ZC3H12C: variants seen among roughly 807,000 people sequenced by gnomAD.
The protein encoded by ZC3H12C is zinc finger CCCH-type containing 12C, also known as probable ribonuclease ZC3H12C.
Under a neutral mutation model 76.3 loss-of-function variants are expected in ZC3H12C, and 20 were observed. The observed-to-expected ratio is 0.26, with a 90% CI of 0.18 to 0.38. The LOEUF (loss-of-function observed/expected upper bound fraction) is 0.38, where lower values mean the gene tolerates loss of function less well. Ranked by LOEUF, ZC3H12C falls within the 10% of genes least tolerant of loss-of-function variation. The probability of loss-of-function intolerance (pLI) is 1.00; values close to 1 mark genes in which losing one functional copy is unlikely to be tolerated. For missense variants in ZC3H12C, 874 were observed against 1,086.5 expected (o/e 0.80, Z 2.75); for synonymous variants, 352 against 399.6 (o/e 0.88, Z 1.42).
At chr11:110,102,925 G>C (rs1336843285) in intron 1 of ZC3H12C, among the ~76,000 whole-genome samples, 1 of 152,112 alleles carries the variant, frequency 6.6e-6, no homozygotes. Context: ...TTTAATTAAG[G>C]CATGTACATT....
chr11:110,164,376 T>C lies in ZC3H12C; in HGVS notation c.1291T>C (p.Tyr431His). 1 of 1,613,558 alleles carries C rather than the reference T, an allele frequency of 6.2e-7. No homozygotes were observed. The highest frequency in any genetic ancestry group is 8.5e-7 in the Non-Finnish European group (1 of 1,179,756). The change falls in exon 6 of 6, where the codon TAC (tyrosine) becomes CAC (histidine). Residue 431 changes from tyrosine (Y) to histidine (H), a missense_variant. Coordinates refer to ENST00000278590, the MANE Select transcript of ZC3H12C (RefSeq NM_033390.2). The surrounding 1 kb of genome is among the most constrained non-coding windows in gnomAD (Gnocchi z 5.7). ...TACCTATGGACACAAGTGCAAATAT[T>C]ACCATCCCGAAAGGGGCAGTCAGCC... Reference protein sequence around the residue: ...KCTYGHKCKYYHPERGSQPQR... With the variant: ...KCTYGHKCKYHHPERGSQPQR...
chr11:110,115,285 T>A (rs1265431819), intron 1 of ZC3H12C, among the ~76,000 whole-genome samples: 1 of 151,902 alleles, frequency 6.6e-6, no homozygotes. Flanking sequence ...TATTTATTTT[T>A]ATTTTATTTT....
At chr11:110,148,172 T>C (rs1232315390) in intron 2 of ZC3H12C, among the ~76,000 whole-genome samples, 19 of 152,234 alleles carry the variant, frequency 1.2e-4, no homozygotes. Context: ...CATTCCTTCT[T>C]TTATTTCCTG....
In ZC3H12C at chr11:110,165,412, G is replaced by A. The variant is rs1862562515; in HGVS notation, c.2327G>A (p.Ser776Asn). The stretch of plus-strand genomic sequence containing the variant: ...TATTCCCGCCAGGAAGGCCTGGGAA[G>A]CTGGGAGAGGCCAGGCTATGGGATC... ...KPYSRQEGLG[S>N]WERPGYGIDA... is the part of the protein sequence containing the mutation. Residue 776 changes from serine (S) to asparagine (N), a missense_variant, in exon 6 of 6, where the codon AGC (serine) becomes AAC (asparagine). Physicochemically the swap from Ser to Asn is conservative, Grantham distance 46. Around this residue, in one of 3 missense-constraint regions of ZC3H12C, gnomAD observed 395 missense variants for 434.4 expected, o/e 0.91. Transcript: ENST00000278590. 1.2e-6 allele frequency: 2 copies of A among 1,614,016 alleles called. No individual in the cohort carries two copies. Among genetic ancestry groups the A allele is most frequent in the Non-Finnish European group, 1.7e-6 (2 of 1,179,890 alleles).
intron 3 of ZC3H12C, among the ~76,000 whole-genome samples, chr11:110,155,546 AAGTGTTCATTC>A (rs964853884): frequency 4.3e-4 from 65 of 151,816 alleles, no homozygotes; most frequent in African/African-American, 1.4e-3. Context: ...AGAAAAAAAA[AAGTGTTCATTC>A]ATTAGAAGAA....
chr11:110,104,054 G>A (rs1187307477), intron 1 of ZC3H12C, among the ~76,000 whole-genome samples: 4 of 149,690 alleles, frequency 2.7e-5, no homozygotes, highest in African/African-American at 9.9e-5. Context: ...ATATCTTTAG[G>A]CTCCACTTCT....
rs766702557 is a variant in ZC3H12C, at chr11:110,163,249, AT to A, written c.1149-17del. 5.7e-6 allele frequency: 9 copies of A among 1,575,892 alleles called. No individual in the cohort carries two copies. The East Asian group carries it at 9.1e-5, about 16-fold the overall frequency. On this transcript the variant is annotated intron_variant, in intron 4 of 5. Coordinates refer to ENST00000278590, the MANE Select transcript of ZC3H12C (RefSeq NM_033390.2). ...ATTATCAGCCTCCTACTTAGGTATC[AT>A]TTTTTTATTATCTCCATGACAGGTT...
intron 1 of ZC3H12C, among the ~76,000 whole-genome samples, chr11:110,117,386 C>CT (rs1861545110): frequency 6.6e-6 from 1 of 151,844 alleles, no homozygotes; most frequent in Non-Finnish European, 1.5e-5. Context: ...TTCTCTAAAT[C>CT]TTTTATGTAG....
intron 2 of ZC3H12C, among the ~76,000 whole-genome samples, chr11:110,145,609 G>GA (rs1463640276): frequency 2.7e-4 from 40 of 149,466 alleles, no homozygotes; most frequent in African/African-American, 9.8e-4. Context: ...GGGGGCGGGG[G>GA]GGAGTTGCAG....
intron 1 of ZC3H12C, 142 bp from the exon 2 acceptor site, chr11:110,136,521 G>A (rs1861961584): frequency 2.3e-6 from 2 of 873,548 alleles, no homozygotes; most frequent in Non-Finnish European, 3.4e-6. Flanking sequence ...TACTCTCTTG[G>A]CAAGGGTGTT....
chr11:110,141,448 A>C (rs1862066315), intron 2 of ZC3H12C, among the ~76,000 whole-genome samples: 1 of 152,204 alleles, frequency 6.6e-6, no homozygotes. Flanking sequence ...AACCCTTTTT[A>C]ATATAAATTT....
Position 110,169,666 on chromosome 11 carries a change from T to C in ZC3H12C, c.*3929T>C, listed in dbSNP as rs1862642050. 1 of 152,146 alleles carries C rather than the reference T, an allele frequency of 6.6e-6. No individual in the cohort carries two copies. Among genetic ancestry groups the C allele is most frequent in the Admixed American group, 6.5e-5 (1 of 15,270 alleles). 9.4% of individuals were successfully genotyped at this position (152,146 alleles called of 1,614,324 possible). The stretch of plus-strand genomic sequence containing the variant: ...TCAGCTAACAGTTAAGTTTCCAAGG[T>C]ATACACCAACAAATAAAATGAGGTA... On this transcript the variant is annotated 3_prime_UTR_variant, in exon 6 of 6. Transcript: ENST00000278590.
chr11:110,140,947 G>C (rs1862057193), intron 2 of ZC3H12C, among the ~76,000 whole-genome samples: 1 of 152,156 alleles, frequency 6.6e-6, no homozygotes, highest in Non-Finnish European at 1.5e-5. Flanking sequence ...GAGACAAAGA[G>C]ACCCACTTAT....
At chr11:110,132,700 A>G (rs990459527) in intron 1 of ZC3H12C, among the ~76,000 whole-genome samples, 45 of 152,220 alleles carry the variant, frequency 3.0e-4, no homozygotes, top group African/African-American at 1.0e-3. Context: ...TTTGATAACT[A>G]TGGGAGTAAA....
At chr11:110,111,802 C>G (rs571502854) in intron 1 of ZC3H12C, among the ~76,000 whole-genome samples, 60 of 151,754 alleles carry the variant, frequency 4.0e-4, no homozygotes, top group South Asian at 1.0e-3. Flanking sequence ...CTCAGCATCC[C>G]AAGGTGCTGA....
chr11:110,164,834 A>T lies in ZC3H12C; in HGVS notation c.1749A>T (p.Ser583=), dbSNP rs756789806. 6.2e-7 allele frequency: 1 copy of T among 1,613,952 alleles called. No individual in the cohort carries two copies. The part of the protein sequence containing the change: ...MPYEQYPKCD[S]PVDIGYYSML... ...ATGAACAGTATCCAAAATGTGACTC[A>T]CCTGTCGACATCGGATATTATTCCA... The change falls in exon 6 of 6, where the codon TCA becomes TCT. Residue 583 remains serine, a synonymous_variant. Coordinates refer to ENST00000278590, the MANE Select transcript of ZC3H12C (RefSeq NM_033390.2). This position sits in a 1 kb window ranked among gnomAD's most constrained non-coding sequence, Gnocchi z 5.7.
At chr11:110,095,453 A>C (rs934650033) in intron 1 of ZC3H12C, among the ~76,000 whole-genome samples, 3 of 152,170 alleles carry the variant, frequency 2.0e-5, no homozygotes, top group Non-Finnish European at 4.4e-5. Context: ...ATTTGATAGC[A>C]TTTTTAAAGA....
chr11:110,096,511 C>T (rs542724104), intron 1 of ZC3H12C, among the ~76,000 whole-genome samples: 7 of 152,252 alleles, frequency 4.6e-5, no homozygotes, highest in African/African-American at 1.4e-4. Context: ...TCTATAGATG[C>T]GGAAGCAGAG....
At chr11:110,134,707 G>A (rs1861924259) in intron 1 of ZC3H12C, among the ~76,000 whole-genome samples, 1 of 152,084 alleles carries the variant, frequency 6.6e-6, no homozygotes, top group Admixed American at 6.5e-5. Context: ...TTCTTTTTAT[G>A]AGTTGCCAAT....
Sources: allele counts gnomAD v4.1 joint callset (sites outside exome capture counted in the v4.1 genomes callset), GRCh38; gene constraint gnomAD v4.1.1; regional missense constraint gnomAD v4.1.1; non-coding constraint Gnocchi (gnomAD v3.1); transcripts MANE v1.5; gene names NCBI Gene and HGNC (gene_info 2026-07-23, HGNC 2026-07-21).